The following TMEM117 variants were observed in gnomAD, a reference collection of about 807,000 sequenced individuals.
The protein encoded by TMEM117 is transmembrane protein 117.
A neutral mutation model predicts 52.4 loss-of-function variants in TMEM117; 27 were observed. The ratio of observed to expected loss-of-function variants is 0.51; its 90% confidence interval spans 0.38 to 0.71. The LOEUF (loss-of-function observed/expected upper bound fraction) is 0.71, where lower values mean the gene tolerates loss of function less well. Among genes scored for constraint, TMEM117 ranks in the 30% least tolerant of loss-of-function variants. The probability of loss-of-function intolerance (pLI) is 0.00; values close to 1 mark genes in which losing one functional copy is unlikely to be tolerated. For missense variants in TMEM117, 556 were observed against 630.5 expected (o/e 0.88, Z 1.26); for synonymous variants, 215 against 206.3 (o/e 1.04, Z -0.36).
At chr12:43,820,240 G>A in the TMEM117 span, among the ~76,000 whole-genome samples, 1 of 152,142 alleles carries the variant, frequency 6.6e-6, no homozygotes, top group Non-Finnish European at 1.5e-5. Context: ...TGGGACTACA[G>A]GCGTGCGCCA....
At chr12:44,226,970 C>T (rs531393562) in intron 5 of TMEM117, among the ~76,000 whole-genome samples, 3 of 152,168 alleles carry the variant, frequency 2.0e-5, no homozygotes, top group African/African-American at 4.8e-5. Context: ...TAATCCCAAT[C>T]GCCAAAGCAA....
upstream of TMEM117, among the ~76,000 whole-genome samples, chr12:43,834,573 T>G (rs1426498729): frequency 6.6e-6 from 1 of 152,212 alleles, no homozygotes; most frequent in African/African-American, 2.4e-5. Flanking sequence ...ACCTTACTAG[T>G]TAAGAGTTCT....
At chr12:43,889,838 G>C (rs1944069823) in intron 2 of TMEM117, among the ~76,000 whole-genome samples, 2 of 152,110 alleles carry the variant, frequency 1.3e-5, no homozygotes, top group Admixed American at 1.3e-4. Flanking sequence ...CTCTGAGAAG[G>C]AGGTGCAGGA....
intron 3 of TMEM117, among the ~76,000 whole-genome samples, chr12:44,114,211 T>A (rs1948092857): frequency 1.3e-5 from 2 of 152,150 alleles, no homozygotes; most frequent in African/African-American, 4.8e-5. Context: ...GCTGTTCCTA[T>A]TCGGCCATCT....
intron 6 of TMEM117, among the ~76,000 whole-genome samples, chr12:44,325,520 CTATT>C (rs1373987202): frequency 5.0e-5 from 7 of 141,320 alleles, no homozygotes; most frequent in Admixed American, 4.8e-4. Context: ...TTATTTATAG[CTATT>C]TATATTTATT....
chr12:44,069,440 A>G (rs1947268110), intron 3 of TMEM117, among the ~76,000 whole-genome samples: 1 of 152,110 alleles, frequency 6.6e-6, no homozygotes, highest in African/African-American at 2.4e-5. Context: ...GAGTGTTCCA[A>G]ATTGAAGAAT....
chr12:44,228,649 G>A (rs905448087), intron 5 of TMEM117, among the ~76,000 whole-genome samples: 2 of 152,124 alleles, frequency 1.3e-5, no homozygotes, highest in Non-Finnish European at 2.9e-5. Flanking sequence ...CTGAATGACT[G>A]GAAGGAATGA....
At chr12:44,358,892 T>G (rs540811529) in intron 6 of TMEM117, among the ~76,000 whole-genome samples, 2 of 152,106 alleles carry the variant, frequency 1.3e-5, no homozygotes, top group African/African-American at 2.4e-5. Flanking sequence ...CTACTTGTGC[T>G]AAATTGTAGC....
intron 6 of TMEM117, among the ~76,000 whole-genome samples, chr12:44,309,942 C>G (rs187708023): frequency 6.6e-6 from 1 of 152,252 alleles, no homozygotes; most frequent in East Asian, 1.9e-4. Flanking sequence ...AACACTCTTG[C>G]AATAGACTAA....
chr12:44,253,933 A>G (rs1950225718), intron 5 of TMEM117, among the ~76,000 whole-genome samples: 1 of 151,388 alleles, frequency 6.6e-6, no homozygotes, highest in Non-Finnish European at 1.5e-5. Context: ...TATCCTCAGT[A>G]GAGAAACTTG....
At chr12:43,841,349 A>G (rs1266623014) in intron 1 of TMEM117, among the ~76,000 whole-genome samples, 2 of 152,242 alleles carry the variant, frequency 1.3e-5, no homozygotes, top group Admixed American at 1.3e-4. Flanking sequence ...TCCACTTGTT[A>G]TATAAATTAA....
chr12:43,896,820 A>G (rs138560965), intron 2 of TMEM117, among the ~76,000 whole-genome samples: 96 of 152,102 alleles, frequency 6.3e-4, no homozygotes, highest in African/African-American at 2.2e-3. Context: ...ATTTTATCAT[A>G]TTTTCTAATC....
intron 3 of TMEM117, among the ~76,000 whole-genome samples, chr12:43,966,894 T>C (rs1378052091): frequency 6.6e-6 from 1 of 152,174 alleles, no homozygotes; most frequent in Non-Finnish European, 1.5e-5. Flanking sequence ...TCTACTTTTC[T>C]TAAGGCAAAT....
At chr12:44,362,296 G>C (rs1951731543) in intron 6 of TMEM117, among the ~76,000 whole-genome samples, 1 of 152,026 alleles carries the variant, frequency 6.6e-6, no homozygotes, top group Non-Finnish European at 1.5e-5. Flanking sequence ...TCCCTGCAGA[G>C]GCTCTTACCT....
chr12:43,797,647 C>T, the TMEM117 span: 1 of 1,567,660 alleles, frequency 6.4e-7, no homozygotes, highest in Non-Finnish European at 8.7e-7. Context: ...ATAATAAACC[C>T]TATATGAGTC....
chr12:44,028,742 C>T (rs915536327), intron 3 of TMEM117, among the ~76,000 whole-genome samples: 1 of 152,168 alleles, frequency 6.6e-6, no homozygotes, highest in Non-Finnish European at 1.5e-5. Flanking sequence ...GACTGCTTTG[C>T]CTACGGAGTA....
intron 4 of TMEM117, among the ~76,000 whole-genome samples, chr12:44,154,532 A>G (rs1441062568): frequency 6.6e-6 from 1 of 152,040 alleles, no homozygotes; most frequent in African/African-American, 2.4e-5. Context: ...ACCTGTAGCT[A>G]TTGAAGAAAA....
intron 3 of TMEM117, among the ~76,000 whole-genome samples, chr12:44,097,143 T>C (rs945331491): frequency 2.6e-5 from 4 of 152,066 alleles, no homozygotes; most frequent in African/African-American, 9.7e-5. Context: ...ATCAGAGAAA[T>C]GCAAATCAAA....
chr12:44,250,543 G>A (rs1257220719), intron 5 of TMEM117, among the ~76,000 whole-genome samples: 2 of 152,158 alleles, frequency 1.3e-5, no homozygotes, highest in Non-Finnish European at 2.9e-5. Context: ...GCACACATAT[G>A]TTTATTGCAG....
Sources: allele counts gnomAD v4.1 joint callset (sites outside exome capture counted in the v4.1 genomes callset), GRCh38; gene constraint gnomAD v4.1.1; transcripts MANE v1.5; gene names NCBI Gene and HGNC (gene_info 2026-07-23, HGNC 2026-07-21).